The following SCAI variants were observed in gnomAD, a reference collection of about 807,000 sequenced individuals.
SCAI encodes the protein suppressor of cancer cell invasion.
In SCAI, 24 loss-of-function variants were observed where a neutral mutation model predicts 92.2. The ratio of observed to expected loss-of-function variants is 0.26; its 90% CI spans 0.19 to 0.37. The LOEUF (loss-of-function observed/expected upper bound fraction) is 0.37, where lower values mean the gene tolerates loss of function less well. Ranked by LOEUF, SCAI falls within the 10% of genes least tolerant of loss-of-function variation. SCAI has a pLI of 1.00. For missense variants in SCAI, 450 were observed against 736.2 expected, an observed-to-expected ratio of 0.61 and a Z score of 4.50; for synonymous variants, 261 against 258.6, an observed-to-expected ratio of 1.01 and a Z score of -0.09.
chr9:124,974,323 C>T (rs1042124544), intron 15 of SCAI: 25 of 386,608 alleles, frequency 6.5e-5, no homozygotes, highest in African/African-American at 4.9e-4. Context: ...TAGTGTATAC[C>T]TGTGGTCCCA....
chr9:125,056,959 C>G lies in SCAI; in HGVS notation c.99-952G>C, dbSNP rs567242717. 7.2e-5 allele frequency among the ~76,000 whole-genome samples: 11 copies of G among 152,260 alleles called. No homozygotes were observed. In the South Asian group the frequency reaches 2.3e-3, roughly 32 times the overall value. ...TATTAAAACTATATTGAAACTATCT[C>G]CACTTGTAATAAATTTCATAAAGCT... On this transcript the variant is annotated intron_variant, in intron 2 of 17. Transcript: ENST00000336505.
Position 124,945,928 on chromosome 9 carries a change from G to A in SCAI, c.*6879C>T, listed in dbSNP as rs753498255. ...GAGGTACAGCAAAAATAGTTGTAAAGTATCAATGTATAAGAGCGCAGGAGA... is the reference window on the plus strand; with the variant it reads ...GAGGTACAGCAAAAATAGTTGTAAAATATCAATGTATAAGAGCGCAGGAGA... On this transcript the variant is annotated 3_prime_UTR_variant, in exon 18 of 18. Coordinates refer to ENST00000336505, the MANE Select transcript of SCAI (RefSeq NM_001144877.3). The A allele has an allele frequency of 1.3e-5, 2 of 152,166 alleles. No individual in the cohort carries two copies. Among genetic ancestry groups the A allele is most frequent in the Non-Finnish European group, 2.9e-5 (2 of 68,032 alleles). 9.4% of individuals were successfully genotyped at this position (152,166 alleles called of 1,614,324 possible). A position where few individuals can be genotyped will look rare whatever the true frequency, so the allele number is the denominator to read the frequency against.
chr9:124,999,068 A>T (rs1028809216), intron 13 of SCAI, among the ~76,000 whole-genome samples: 1 of 152,018 alleles, frequency 6.6e-6, no homozygotes, highest in East Asian at 1.9e-4. Context: ...ATTTACAATG[A>T]TTATTTTTCA....
intron 2 of SCAI, among the ~76,000 whole-genome samples, chr9:125,126,706 G>A (rs1282886085): frequency 6.6e-6 from 1 of 152,132 alleles, no homozygotes; most frequent in Non-Finnish European, 1.5e-5. Context: ...GCATCGCTAA[G>A]TCCAGCCCAC....
chr9:125,035,495 G>A (rs1428265898), intron 3 of SCAI, among the ~76,000 whole-genome samples: 2 of 152,124 alleles, frequency 1.3e-5, no homozygotes, highest in African/African-American at 4.8e-5. Context: ...TAAAGGACTG[G>A]GTTTTGAAGT....
chr9:125,046,196 GATATATAT>G (rs71374222), intron 3 of SCAI, among the ~76,000 whole-genome samples: 46 of 51,878 alleles, frequency 8.9e-4, no homozygotes, highest in South Asian at 3.9e-3. Context: ...GAAATTGTGA[GATATATAT>G]ATATATATAT....
At chr9:124,982,686 A>AC (rs1192386392) in intron 14 of SCAI, among the ~76,000 whole-genome samples, 1 of 151,502 alleles carries the variant, frequency 6.6e-6, no homozygotes, top group Non-Finnish European at 1.5e-5. Flanking sequence ...TCTCAAAAAA[A>AC]AAAAAAAAAA....
intron 6 of SCAI, among the ~76,000 whole-genome samples, chr9:125,021,299 A>G (rs951109595): frequency 2.0e-5 from 3 of 152,170 alleles, no homozygotes; most frequent in African/African-American, 7.2e-5. Flanking sequence ...TTTTTAGACC[A>G]ATTACATTTA....
chr9:125,031,801 G>T (rs1226346778), intron 3 of SCAI, among the ~76,000 whole-genome samples: 3 of 151,874 alleles, frequency 2.0e-5, no homozygotes, highest in African/African-American at 4.8e-5. Context: ...TTTTTAAGTT[G>T]TATCTTTTAA....
intron 17 of SCAI, among the ~76,000 whole-genome samples, chr9:124,958,296 C>A (rs1226569250): frequency 6.6e-6 from 1 of 152,136 alleles, no homozygotes; most frequent in Non-Finnish European, 1.5e-5. Context: ...GGGAAGGGGA[C>A]TCTCCCTATC....
At chr9:125,039,112 G>C (rs534230813) in intron 3 of SCAI, among the ~76,000 whole-genome samples, 2 of 152,252 alleles carry the variant, frequency 1.3e-5, no homozygotes, top group Admixed American at 1.3e-4. Context: ...CTGGGGCCGG[G>C]TGCAGTGGCT....
chr9:125,056,507 C>A (rs1319857853), intron 2 of SCAI, among the ~76,000 whole-genome samples: 2 of 151,974 alleles, frequency 1.3e-5, no homozygotes, highest in Non-Finnish European at 2.9e-5. Flanking sequence ...CATCTCCTAT[C>A]ATTGGTATGG....
chr9:125,102,909 C>A (rs1462433358), intron 2 of SCAI, among the ~76,000 whole-genome samples: 1 of 151,964 alleles, frequency 6.6e-6, no homozygotes, highest in Admixed American at 6.6e-5. Flanking sequence ...TACCCAAACA[C>A]CTTCTCCTCT....
intron 4 of SCAI, 59 bp downstream of exon 4, chr9:125,029,583 TAA>T: frequency 2.0e-6 from 2 of 982,066 alleles, no homozygotes; most frequent in Non-Finnish European, 1.6e-6. Flanking sequence ...GTAGTGAAGA[TAA>T]AAACTGTGAC....
intron 14 of SCAI, among the ~76,000 whole-genome samples, chr9:124,979,432 A>C (rs913222123): frequency 2.7e-5 from 4 of 150,804 alleles, no homozygotes; most frequent in Admixed American, 2.6e-4. Flanking sequence ...CCCAGCTACT[A>C]GGTAGGCTGA....
intron 2 of SCAI, among the ~76,000 whole-genome samples, chr9:125,119,834 G>A (rs1332084765): frequency 6.6e-6 from 1 of 152,154 alleles, no homozygotes; most frequent in African/African-American, 2.4e-5. Context: ...TCACATGGCT[G>A]GCAAGCTGAT....
intron 17 of SCAI, among the ~76,000 whole-genome samples, chr9:124,959,512 A>G (rs1450507206): frequency 6.9e-6 from 1 of 145,700 alleles, no homozygotes; most frequent in Non-Finnish European, 1.5e-5. Flanking sequence ...ACACATATAT[A>G]TATATACACA....
At chr9:125,105,581 G>A (rs1834759560) in intron 2 of SCAI, among the ~76,000 whole-genome samples, 1 of 152,302 alleles carries the variant, frequency 6.6e-6, no homozygotes, top group South Asian at 2.1e-4. Context: ...ATTCTGTACA[G>A]TGTATCTGAA....
Position 125,029,724 on chromosome 9 carries a change from A to G in SCAI, c.246T>C (p.Tyr82=). 5.6e-6 allele frequency: 9 copies of G among 1,607,238 alleles called. No homozygotes were observed. Among genetic ancestry groups the G allele is most frequent in the Non-Finnish European group, 5.1e-6 (6 of 1,174,996 alleles). Residue 82 remains tyrosine, a synonymous_variant, in exon 4 of 18, where the codon TAT becomes TAC. Coordinates refer to ENST00000336505, the MANE Select transcript of SCAI (RefSeq NM_001144877.3). ...LFNGLRDLPQ[Y]GQKQWQSYFG... Reference sequence around the variant, plus strand: ...AATAGGACTGCCACTGCTTCTGTCCATATTGTGGCAAATCTCTGTAATAGT... The same window carrying G: ...AATAGGACTGCCACTGCTTCTGTCCGTATTGTGGCAAATCTCTGTAATAGT...
Sources: gnomAD v4.1 joint callset for allele counts (sites outside exome capture counted in the v4.1 genomes callset) on GRCh38, gnomAD v4.1.1 for gene constraint, MANE v1.5 for transcripts, NCBI Gene and HGNC (gene_info 2026-07-23, HGNC 2026-07-21) for gene names.